The following CHMP3 variants were observed in gnomAD, a reference collection of about 807,000 sequenced individuals.
CHMP3 encodes 25.1 protein.
In CHMP3, 8 loss-of-function variants were observed where a neutral mutation model predicts 27.4. That is an observed-to-expected ratio of 0.29 (90% CI 0.17 to 0.53). The LOEUF is 0.53. CHMP3 is among the 20% of genes least tolerant of loss of function. The probability of loss-of-function intolerance (pLI) is 0.96; values close to 1 mark genes in which losing one functional copy is unlikely to be tolerated. For synonymous variants in CHMP3, 86 were observed against 85.5 expected, an observed-to-expected ratio of 1.01 and a Z score of -0.03; for missense variants, 208 against 271.5, an observed-to-expected ratio of 0.77 and a Z score of 1.64.
At chr2:86,540,198 G>A (rs182002603) in intron 2 of CHMP3, among the ~76,000 whole-genome samples, 84 of 152,016 alleles carry the variant, frequency 5.5e-4, no homozygotes, top group South Asian at 3.3e-3. Flanking sequence ...ATTCAATTTG[G>A]AGATGAGTTC....
chr2:86,508,438 G>T (rs928892104), intron 4 of CHMP3, among the ~76,000 whole-genome samples: 9 of 152,192 alleles, frequency 5.9e-5, no homozygotes, highest in African/African-American at 1.7e-4. Context: ...AACCTCCAAA[G>T]TCAACAAGAG....
chr2:86,507,732 G>T, intron 4 of CHMP3, 139 bp from the exon 5 acceptor site: 2 of 693,102 alleles, frequency 2.9e-6, no homozygotes, highest in East Asian at 2.6e-5. Context: ...CTGGCCAAAG[G>T]AAACACTGGA....
chr2:86,516,158 A>G (rs1675296876), intron 3 of CHMP3, among the ~76,000 whole-genome samples: 1 of 151,358 alleles, frequency 6.6e-6, no homozygotes, highest in Admixed American at 6.6e-5. Context: ...AAAAAAAAAA[A>G]AAAAAAGAAA....
At chr2:86,535,610 G>A (rs911168077) in intron 2 of CHMP3, among the ~76,000 whole-genome samples, 6 of 152,004 alleles carry the variant, frequency 3.9e-5, no homozygotes, top group Admixed American at 3.3e-4. Flanking sequence ...AGGTTCAAGC[G>A]ATTCTCCTGC....
At chr2:86,510,696 G>A (rs1675072284) in intron 3 of CHMP3, 2 of 582,562 alleles carry the variant, frequency 3.4e-6, no homozygotes, top group Non-Finnish European at 2.8e-6. Flanking sequence ...CAATGAGCAT[G>A]CACACCACAT....
chr2:86,561,833 T>C, intron 1 of CHMP3: 1 of 152,240 alleles, frequency 6.6e-6, no homozygotes, highest in Non-Finnish European at 1.5e-5. Context: ...TACTAGAGAC[T>C]AGTTTAAACA....
intron 2 of CHMP3, among the ~76,000 whole-genome samples, chr2:86,535,726 G>A (rs1676102829): frequency 6.6e-6 from 1 of 152,096 alleles, no homozygotes; most frequent in African/African-American, 2.4e-5. Context: ...GTCTGGTCTC[G>A]AACTCCTGGC....
intron 1 of CHMP3, among the ~76,000 whole-genome samples, chr2:86,550,946 G>T (rs1003278515): frequency 1.3e-5 from 2 of 152,234 alleles, no homozygotes; most frequent in East Asian, 3.9e-4. Context: ...CAGCATCCAT[G>T]GATTTTGGTA....
intron 3 of CHMP3, among the ~76,000 whole-genome samples, chr2:86,523,679 C>G (rs1157143069): frequency 6.6e-6 from 1 of 152,130 alleles, no homozygotes; most frequent in Non-Finnish European, 1.5e-5. Context: ...CTCCTCCCTT[C>G]CACTCTCTCC....
At chr2:86,541,158 T>C (rs1024062415) in intron 2 of CHMP3, 10 of 152,138 alleles carry the variant, frequency 6.6e-5, no homozygotes, top group South Asian at 2.1e-4. Context: ...GAGGTCTCTA[T>C]TGAACATCCC....
intron 2 of CHMP3, among the ~76,000 whole-genome samples, chr2:86,529,855 A>G (rs1193965373): frequency 3.3e-5 from 5 of 152,214 alleles, no homozygotes; most frequent in Admixed American, 3.3e-4. Context: ...TATGATCAGT[A>G]GTGTTTTCTC....
chr2:86,555,689 C>T (rs983262227), intron 1 of CHMP3, among the ~76,000 whole-genome samples: 1 of 152,140 alleles, frequency 6.6e-6, no homozygotes, highest in African/African-American at 2.4e-5. Context: ...TGCAGTCTCA[C>T]CATCCAATCT....
At chr2:86,518,170 A>C (rs1675388623) in intron 3 of CHMP3, among the ~76,000 whole-genome samples, 1 of 152,246 alleles carries the variant, frequency 6.6e-6, no homozygotes, top group Admixed American at 6.5e-5. Flanking sequence ...GAGAAGGGAT[A>C]TTAAAAACAT....
In CHMP3 at chr2:86,563,362, C is replaced by T; in HGVS notation, c.-14G>A. On this transcript the variant is annotated 5_prime_UTR_variant, in exon 1 of 6. Transcript: ENST00000263856. Reference sequence around the variant, plus strand: ...AAACAGCCCCATGACGAACTGAACCCGTCTTGCCCCTTCCGGCTTTCAGTT... The same window carrying T: ...AAACAGCCCCATGACGAACTGAACCTGTCTTGCCCCTTCCGGCTTTCAGTT... The T allele has an allele frequency of 1.2e-6, 2 of 1,613,642 alleles. No individual in the cohort carries two copies. The highest frequency in any genetic ancestry group is 8.5e-7 in the Non-Finnish European group (1 of 1,179,646).
At chr2:86,527,680 G>C (rs1244522123) in intron 3 of CHMP3, among the ~76,000 whole-genome samples, 1 of 152,146 alleles carries the variant, frequency 6.6e-6, no homozygotes, top group African/African-American at 2.4e-5. Context: ...GTGAAGATAG[G>C]CCGGAAGTGG....
intron 3 of CHMP3, among the ~76,000 whole-genome samples, chr2:86,516,473 C>A (rs1675312262): frequency 6.6e-6 from 1 of 152,106 alleles, no homozygotes; most frequent in African/African-American, 2.4e-5. Flanking sequence ...ATAGACCTAC[C>A]AGAATGCCTA....
At chr2:86,516,159 A>AG (rs1675297281) in intron 3 of CHMP3, among the ~76,000 whole-genome samples, 2 of 151,326 alleles carry the variant, frequency 1.3e-5, no homozygotes, top group Non-Finnish European at 2.9e-5. Context: ...AAAAAAAAAA[A>AG]AAAAAGAAAA....
chr2:86,560,990 C>A (rs1423161048), intron 1 of CHMP3, among the ~76,000 whole-genome samples: 2 of 152,210 alleles, frequency 1.3e-5, no homozygotes, highest in African/African-American at 4.8e-5. Flanking sequence ...CCAATCACCT[C>A]ATACTAGGTC....
At chr2:86,507,309 A>T in intron 5 of CHMP3, 170 bp downstream of exon 5, 1 of 584,900 alleles carries the variant, frequency 1.7e-6, no homozygotes, top group East Asian at 3.0e-5. Flanking sequence ...GTTTTTTAAA[A>T]GATGGTTATA....
Sources: gnomAD v4.1 joint callset for allele counts (sites outside exome capture counted in the v4.1 genomes callset) on GRCh38, gnomAD v4.1.1 for gene constraint, MANE v1.5 for transcripts, NCBI Gene and HGNC (gene_info 2026-07-23, HGNC 2026-07-21) for gene names.